PPM1L: variants seen among roughly 807,000 people sequenced by gnomAD.
PPM1L encodes the protein protein phosphatase 1L.
In PPM1L, 13 loss-of-function variants were observed where a neutral mutation model predicts 31.4. The observed-to-expected ratio is 0.41, with a 90% CI of 0.27 to 0.66. The LOEUF is 0.66. Ranked by LOEUF, PPM1L falls within the 30% of genes least tolerant of loss-of-function variation. PPM1L has a pLI of 0.29. For synonymous variants in PPM1L, 184 were observed against 175.4 expected (o/e 1.05, Z -0.39); for missense variants, 326 against 453.7 (o/e 0.72, Z 2.56).
intron 1 of PPM1L, among the ~76,000 whole-genome samples, chr3:160,854,607 CA>C (rs1269801635): frequency 6.6e-6 from 1 of 151,988 alleles, no homozygotes; most frequent in African/African-American, 2.4e-5. Flanking sequence ...GACACATACA[CA>C]CACACACACA....
intron 1 of PPM1L, among the ~76,000 whole-genome samples, chr3:160,774,636 A>G (rs2108062934): frequency 6.6e-6 from 1 of 152,278 alleles, no homozygotes; most frequent in Non-Finnish European, 1.5e-5. Context: ...ACTACAGCAA[A>G]AATAGTCTCT....
intron 2 of PPM1L, among the ~76,000 whole-genome samples, chr3:160,992,054 T>A (rs1717151874): frequency 6.6e-6 from 1 of 152,098 alleles, no homozygotes; most frequent in Non-Finnish European, 1.5e-5. Flanking sequence ...CACAGGGAGG[T>A]TAAGTAGCTT....
At chr3:160,775,820 G>A (rs533206309) in intron 1 of PPM1L, among the ~76,000 whole-genome samples, 2 of 152,284 alleles carry the variant, frequency 1.3e-5, no homozygotes, top group African/African-American at 4.8e-5. Flanking sequence ...TTCCCCAAAC[G>A]ATCATGCAAA....
At chr3:160,957,919 T>C (rs1041923054) in intron 1 of PPM1L, among the ~76,000 whole-genome samples, 1 of 152,194 alleles carries the variant, frequency 6.6e-6, no homozygotes, top group Non-Finnish European at 1.5e-5. Flanking sequence ...ATCAGTGATG[T>C]TGAGCTTTTT....
intron 2 of PPM1L, among the ~76,000 whole-genome samples, chr3:161,002,040 A>G (rs1367749678): frequency 8.0e-6 from 1 of 125,022 alleles, no homozygotes; most frequent in Non-Finnish European, 1.6e-5. Flanking sequence ...TCCTATGTCC[A>G]TGTGTTCTCA....
At chr3:161,044,384 A>ATTTC (rs1553757154) in intron 2 of PPM1L, among the ~76,000 whole-genome samples, 2 of 136,666 alleles carry the variant, frequency 1.5e-5, no homozygotes, top group East Asian at 4.0e-4. Context: ...TTATTTATTT[A>ATTTC]TTTTTTAGTG....
intron 1 of PPM1L, among the ~76,000 whole-genome samples, chr3:160,942,128 C>T (rs1475561257): frequency 6.6e-6 from 1 of 152,182 alleles, no homozygotes; most frequent in Non-Finnish European, 1.5e-5. Context: ...GCATGCTTCA[C>T]CAAAACATGT....
chr3:160,856,239 C>T (rs1711697129), intron 1 of PPM1L, among the ~76,000 whole-genome samples: 2 of 152,160 alleles, frequency 1.3e-5, no homozygotes, highest in African/African-American at 4.8e-5. Flanking sequence ...AACACCCTCA[C>T]AGGCACACCC....
intron 2 of PPM1L, among the ~76,000 whole-genome samples, chr3:161,049,098 T>C (rs1576806446): frequency 6.9e-6 from 1 of 145,500 alleles, no homozygotes; most frequent in Non-Finnish European, 1.5e-5. Flanking sequence ...AAAACCACGG[T>C]GAGACATCAT....
chr3:161,040,967 G>T (rs1718888824), intron 2 of PPM1L, among the ~76,000 whole-genome samples: 1 of 152,162 alleles, frequency 6.6e-6, no homozygotes, highest in Non-Finnish European at 1.5e-5. Flanking sequence ...AACATACCTA[G>T]ATCTGTTTCT....
At chr3:160,908,037 G>T (rs1713822060) in intron 1 of PPM1L, among the ~76,000 whole-genome samples, 2 of 152,148 alleles carry the variant, frequency 1.3e-5, no homozygotes, top group Non-Finnish European at 1.5e-5. Context: ...GATTCTGAAG[G>T]GGCAAAAGGA....
chr3:160,891,581 C>T (rs1260116283), intron 1 of PPM1L, among the ~76,000 whole-genome samples: 2 of 152,186 alleles, frequency 1.3e-5, no homozygotes, highest in East Asian at 3.9e-4. Flanking sequence ...TTGTGCAAGA[C>T]AGCATGGCGA....
At chr3:160,821,193 T>A (rs1713191428) in intron 1 of PPM1L, among the ~76,000 whole-genome samples, 1 of 152,030 alleles carries the variant, frequency 6.6e-6, no homozygotes, top group Non-Finnish European at 1.5e-5. Flanking sequence ...CCTTGGTGTG[T>A]ACATGTTTTG....
intron 2 of PPM1L, among the ~76,000 whole-genome samples, chr3:160,977,002 T>C (rs555849096): frequency 1.9e-4 from 29 of 152,338 alleles, no homozygotes; most frequent in African/African-American, 6.5e-4. Flanking sequence ...CTTTCTGTTG[T>C]GGGCATTTAG....
chr3:160,917,567 T>C (rs1475002445), intron 1 of PPM1L, among the ~76,000 whole-genome samples: 5 of 152,198 alleles, frequency 3.3e-5, no homozygotes, highest in South Asian at 2.1e-4. Context: ...TGTATTCTTA[T>C]ATTAGGCATG....
At chr3:160,771,543 CTTTTTTTTTTTTTTT>C (rs745978148) in intron 1 of PPM1L, among the ~76,000 whole-genome samples, 21 of 77,386 alleles carry the variant, frequency 2.7e-4, no homozygotes, top group African/African-American at 9.3e-4. Context: ...AAGGCTGGCT[CTTTTTTTTTTTTTTT>C]TTTTTTTTTT....
At chr3:160,870,918 T>A (rs1165088800) in intron 1 of PPM1L, among the ~76,000 whole-genome samples, 2 of 152,136 alleles carry the variant, frequency 1.3e-5, no homozygotes, top group Admixed American at 1.3e-4. Context: ...TAGTTATTTT[T>A]AAATCTTGGT....
intron 1 of PPM1L, among the ~76,000 whole-genome samples, chr3:160,839,984 G>A (rs1244729616): frequency 6.6e-6 from 1 of 152,188 alleles, no homozygotes; most frequent in Non-Finnish European, 1.5e-5. Context: ...TCATGGAGTA[G>A]GGAGGGATAG....
intron 1 of PPM1L, among the ~76,000 whole-genome samples, chr3:160,768,993 T>A (rs1186768535): frequency 6.6e-6 from 1 of 152,180 alleles, no homozygotes; most frequent in Non-Finnish European, 1.5e-5. Flanking sequence ...ATTATATCTG[T>A]CCCGTTCTTT....
Sources: allele counts gnomAD v4.1 joint callset (sites outside exome capture counted in the v4.1 genomes callset), GRCh38; gene constraint gnomAD v4.1.1; transcripts MANE v1.5; gene names NCBI Gene and HGNC (gene_info 2026-07-23, HGNC 2026-07-21).